ASXL1: variants seen among roughly 807,000 people sequenced by gnomAD.
ASXL1 encodes polycomb group protein ASXL1.
ASXL1 carries 65 observed loss-of-function variants against 89.1 expected under a neutral mutation model. That is an observed-to-expected ratio of 0.73 (90% confidence interval 0.60 to 0.90). ASXL1 has a LOEUF of 0.90. Among genes scored for constraint, ASXL1 ranks in the 40% least tolerant of loss-of-function variants. The pLI is 0.00. For synonymous variants in ASXL1, 739 were observed against 746.9 expected (o/e 0.99, Z 0.17); for missense variants, 1,786 against 1,942.9 (o/e 0.92, Z 1.52).
intron 4 of ASXL1, among the ~76,000 whole-genome samples, chr20:32,421,866 CTTTTTTT>C (rs71299232): frequency 1.9e-5 from 2 of 105,254 alleles, no homozygotes; most frequent in South Asian, 6.8e-4. Context: ...GGTTTCTTTT[CTTTTTTT>C]TTTTTTTTTT....
chr20:32,420,896 A>G (rs866459459), intron 4 of ASXL1, among the ~76,000 whole-genome samples: 3 of 152,234 alleles, frequency 2.0e-5, no homozygotes, highest in Admixed American at 6.5e-5. Flanking sequence ...GCCATAAAAA[A>G]GAATGAGTTC....
chr20:32,422,864 C>T (rs1406674183), intron 4 of ASXL1, among the ~76,000 whole-genome samples: 1 of 151,924 alleles, frequency 6.6e-6, no homozygotes, highest in African/African-American at 2.4e-5. Flanking sequence ...GGATTGCAGG[C>T]ATGAGCCACC....
At chr20:32,375,254 T>G (rs1238109647) in intron 4 of ASXL1, among the ~76,000 whole-genome samples, 1 of 151,956 alleles carries the variant, frequency 6.6e-6, no homozygotes, top group African/African-American at 2.4e-5. Flanking sequence ...TCACCTTAGG[T>G]CAGGAGTTCG....
Position 32,429,745 on chromosome 20 carries a change from C to G in ASXL1, c.566-156C>G. ...GTAAGGTGATATTTTAAAGCCAGAC[C>G]ATGAAGTGGTGGTTTCTCTCAGCCT... On this transcript the variant is annotated intron_variant, in intron 7 of 12. Coordinates refer to ENST00000375687, the MANE Select transcript of ASXL1 (RefSeq NM_015338.6). The surrounding 1 kb of genome is among the most constrained non-coding windows in gnomAD (Gnocchi z 4.9). The G allele has an allele frequency of 2.8e-6, 3 of 1,067,386 alleles. No individual in the cohort carries two copies. The highest frequency in any genetic ancestry group is 4.0e-6 in the Non-Finnish European group (3 of 743,044). 66.1% of individuals were successfully genotyped at this position (1,067,386 alleles called of 1,614,324 possible).
chr20:32,372,344 A>G, intron 4 of ASXL1: 2 of 1,169,552 alleles, frequency 1.7e-6, no homozygotes, highest in Non-Finnish European at 2.1e-6. Context: ...TATGTTGCTT[A>G]TCCTTCATAG....
chr20:32,417,731 AT>A (rs999714600), intron 4 of ASXL1, among the ~76,000 whole-genome samples: 30 of 147,564 alleles, frequency 2.0e-4, no homozygotes, highest in South Asian at 2.1e-4. Flanking sequence ...TTTAAAAAAA[AT>A]TTTTTTTTTT....
chr20:32,431,783 T>A (rs968509081), intron 10 of ASXL1, 104 bp downstream of exon 10: 14 of 1,212,436 alleles, frequency 1.2e-5, no homozygotes, highest in Admixed American at 1.9e-5. Flanking sequence ...CAAAGGGTTA[T>A]TTAGTATAAG....
chr20:32,425,055 T>G (rs1217038707), intron 4 of ASXL1, among the ~76,000 whole-genome samples: 1 of 152,264 alleles, frequency 6.6e-6, no homozygotes, highest in African/African-American at 2.4e-5. Context: ...TACCCGTCTT[T>G]GCATTCCTAA....
At chr20:32,359,151 G>T (rs2048066258) in intron 1 of ASXL1, 1 of 643,964 alleles carries the variant, frequency 1.6e-6, no homozygotes, top group Non-Finnish European at 2.8e-6. Context: ...CTATTTGGCA[G>T]CGTCTGGGGG....
intron 4 of ASXL1, among the ~76,000 whole-genome samples, chr20:32,394,160 A>G (rs992553376): frequency 6.6e-6 from 1 of 151,656 alleles, no homozygotes; most frequent in Admixed American, 6.6e-5. Flanking sequence ...CCATCACCAC[A>G]CCCAGCTAAT....
At chr20:32,360,027 C>T (rs2048084255) in intron 1 of ASXL1, 6 of 521,670 alleles carry the variant, frequency 1.2e-5, no homozygotes, top group Middle Eastern at 5.1e-4. Context: ...AATTTTCTCT[C>T]TTATTTTGAA....
intron 4 of ASXL1, chr20:32,427,076 C>A (rs1253782259): frequency 4.6e-5 from 7 of 152,170 alleles, no homozygotes; most frequent in African/African-American, 1.7e-4. Context: ...TCCTCCTCTG[C>A]CCCAACTTAT....
intron 4 of ASXL1, chr20:32,372,250 G>A (rs1273503454): frequency 5.3e-6 from 7 of 1,308,866 alleles, no homozygotes; most frequent in Non-Finnish European, 7.0e-6. Context: ...GTAAGCTTGG[G>A]AGTGGTCTGT....
rs572847215 is a variant in ASXL1 at position 32,417,733 on chromosome 20, T to A, written c.253-10395T>A. On this transcript the variant is annotated intron_variant, in intron 4 of 12. Transcript: ENST00000375687. ...AGGTATGTGTAGGTTTAAAAAAAAT[T>A]TTTTTTTTTTGATCAGAATCTTTTG... Among the ~76,000 whole-genome samples the A allele has an allele frequency of 5.1e-3, 772 of 150,976 alleles. 6 individuals are homozygous for A. Among genetic ancestry groups the A allele is most frequent in the African/African-American group, 0.017 (694 of 41,314 alleles).
At chr20:32,419,262 G>A (rs1299509627) in intron 4 of ASXL1, among the ~76,000 whole-genome samples, 1 of 152,078 alleles carries the variant, frequency 6.6e-6, no homozygotes, top group African/African-American at 2.4e-5. Flanking sequence ...GAGTGCAGTG[G>A]TGCGATCATA....
chr20:32,418,808 T>G (rs1192511413), intron 4 of ASXL1, among the ~76,000 whole-genome samples: 1 of 100,142 alleles, frequency 1.0e-5, no homozygotes, highest in African/African-American at 3.7e-5. Context: ...AGAATTGACA[T>G]CTTTTTTTTT....
intron 4 of ASXL1, chr20:32,372,240 G>A (rs765792159): frequency 3.2e-5 from 43 of 1,324,468 alleles, no homozygotes; most frequent in Non-Finnish European, 4.0e-5. Context: ...TGAACCTGCT[G>A]TAAGCTTGGG....
In ASXL1 at chr20:32,434,758, C is replaced by G. The variant is rs2145361546; in HGVS notation, c.2046C>G (p.Ser682Arg). 1.9e-6 allele frequency: 3 copies of G among 1,613,526 alleles called. No homozygotes were observed. The highest frequency in any genetic ancestry group is 1.7e-6 in the Non-Finnish European group (2 of 1,179,940). The change falls in exon 13 of 13, where the codon AGC becomes AGG. Residue 682 changes from serine to arginine, a missense_variant. By Grantham distance (110) the Ser-to-Arg change is moderately radical. Transcript: ENST00000375687. ...CGHPEPRGGP[S>R]TPGKCTSDLQ... The stretch of plus-strand genomic sequence containing the variant: ...ACCCTGAGCCCAGGGGAGGCCCGAG[C>G]ACCCCTGGAAAGTGTACGTCAGATC...
chr20:32,434,523 C>G lies in ASXL1; in HGVS notation c.1811C>G (p.Ser604Cys), dbSNP rs2011658912. The G allele has an allele frequency of 1.2e-6, 2 of 1,613,902 alleles. No individual in the cohort carries two copies. Among genetic ancestry groups the G allele is most frequent in the African/African-American group, 2.7e-5 (2 of 74,924 alleles). ...CPRIIPTTES[S>C]CRGWTGARTL... ...CGGATCATCCCCACCACGGAGTCCT[C>G]CTGCCGGGGTTGGACTGGCGCCAGG... The change falls in exon 13 of 13, where the codon TCC (serine) becomes TGC (cysteine). Residue 604 changes from serine to cysteine, a missense_variant. Coordinates refer to ENST00000375687, the MANE Select transcript of ASXL1 (RefSeq NM_015338.6).
Sources: allele counts gnomAD v4.1 joint callset (sites outside exome capture counted in the v4.1 genomes callset), GRCh38; gene constraint gnomAD v4.1.1; non-coding constraint Gnocchi (gnomAD v3.1); transcripts MANE v1.5; gene names NCBI Gene and HGNC (gene_info 2026-07-23, HGNC 2026-07-21).